The following PHACTR3 variants were observed in gnomAD, a reference collection of about 807,000 sequenced individuals.
The protein encoded by PHACTR3 is phosphatase and actin regulator 3.
In PHACTR3, 16 loss-of-function variants were observed where a neutral mutation model predicts 66.8. The ratio of observed to expected loss-of-function variants is 0.24; its 90% CI spans 0.16 to 0.36. The LOEUF is 0.36. Ranked by LOEUF, PHACTR3 falls within the 10% of genes least tolerant of loss-of-function variation. The pLI, the probability that PHACTR3 is intolerant of heterozygous loss-of-function variation, is 1.00. For missense variants in PHACTR3, 647 were observed against 719.9 expected, an observed-to-expected ratio of 0.90 and a Z score of 1.16; for synonymous variants, 323 against 292.1, an observed-to-expected ratio of 1.11 and a Z score of -1.08.
chr20:59,767,445 C>G (rs749707627), intron 5 of PHACTR3, 50 bp downstream of exon 5: 4 of 1,553,156 alleles, frequency 2.6e-6, no homozygotes, highest in Non-Finnish European at 2.6e-6. Flanking sequence ...CTGCCCCATC[C>G]ATCCATCTAT....
chr20:59,803,874 G>A (rs765422203), intron 7 of PHACTR3, among the ~76,000 whole-genome samples: 6 of 152,196 alleles, frequency 3.9e-5, no homozygotes, highest in East Asian at 1.9e-4. Context: ...GAAAGTAAGC[G>A]TGTTTGGGGG....
chr20:59,713,113 G>A (rs948480537), intron 1 of PHACTR3, among the ~76,000 whole-genome samples: 3 of 152,234 alleles, frequency 2.0e-5, no homozygotes, highest in African/African-American at 7.2e-5. Flanking sequence ...GAATCAGGGT[G>A]GAGGTGGGAA....
intron 1 of PHACTR3, among the ~76,000 whole-genome samples, chr20:59,644,014 A>G (rs1243021797): frequency 6.6e-6 from 1 of 152,184 alleles, no homozygotes; most frequent in Admixed American, 6.5e-5. Flanking sequence ...CAAGGGCAGC[A>G]AGAGACCTGG....
At chr20:59,751,493 C>T (rs778491446) in intron 3 of PHACTR3, among the ~76,000 whole-genome samples, 2 of 152,268 alleles carry the variant, frequency 1.3e-5, no homozygotes, top group African/African-American at 4.8e-5. Context: ...TGTACATACA[C>T]ATTGGACACC....
chr20:59,801,913 G>A (rs550599675), intron 7 of PHACTR3, among the ~76,000 whole-genome samples: 20 of 152,292 alleles, frequency 1.3e-4, no homozygotes, highest in East Asian at 7.7e-4. Flanking sequence ...TTAGCGAGAC[G>A]TGTGGCATCT....
intron 1 of PHACTR3, among the ~76,000 whole-genome samples, chr20:59,717,632 C>T (rs189908804): frequency 1.3e-5 from 2 of 151,818 alleles, no homozygotes; most frequent in Non-Finnish European, 2.9e-5. Flanking sequence ...TGGAAACCCA[C>T]CCCCCAGCCC....
At chr20:59,611,797 C>A (rs2033858420) in intron 1 of PHACTR3, among the ~76,000 whole-genome samples, 1 of 152,228 alleles carries the variant, frequency 6.6e-6, no homozygotes, top group South Asian at 2.1e-4. Flanking sequence ...TCCTAGGGTC[C>A]CCCACCTTCA....
At chr20:59,817,642 G>A (rs4810190) in intron 8 of PHACTR3, among the ~76,000 whole-genome samples, 77,570 of 152,184 alleles carry the variant, frequency 0.51, 24,167 homozygotes, top group Non-Finnish European at 0.69. Context: ...TGGCATCCTG[G>A]GGAGTGTGCA....
intron 5 of PHACTR3, among the ~76,000 whole-genome samples, chr20:59,770,807 G>A (rs868612004): frequency 1.1e-4 from 17 of 152,192 alleles, no homozygotes; most frequent in South Asian, 2.1e-4. Flanking sequence ...CCCTGGAGAT[G>A]CGTTTACCCC....
At chr20:59,831,484 T>A (rs538281171) in intron 8 of PHACTR3, among the ~76,000 whole-genome samples, 25 of 151,234 alleles carry the variant, frequency 1.7e-4, no homozygotes, top group Admixed American at 8.6e-4. Flanking sequence ...GTGGGGAGAG[T>A]CAGAAATAGA....
intron 1 of PHACTR3, among the ~76,000 whole-genome samples, chr20:59,597,837 C>T (rs2033366655): frequency 6.6e-6 from 1 of 152,218 alleles, no homozygotes; most frequent in South Asian, 2.1e-4. Flanking sequence ...ACAGGCACTC[C>T]AGAGCAGGAA....
chr20:59,788,134 C>G (rs540826768), intron 7 of PHACTR3, among the ~76,000 whole-genome samples: 323 of 152,260 alleles, frequency 2.1e-3, no homozygotes, highest in Middle Eastern at 6.8e-3. Flanking sequence ...ACCCCAATGT[C>G]CATTGTATCA....
At chr20:59,578,595 G>T (rs2032781018) in intron 1 of PHACTR3, among the ~76,000 whole-genome samples, 1 of 152,122 alleles carries the variant, frequency 6.6e-6, no homozygotes, top group Non-Finnish European at 1.5e-5. Flanking sequence ...TGTCACACCT[G>T]GGGGAACGCC....
At chr20:59,831,126 C>T (rs139781704) in intron 8 of PHACTR3, among the ~76,000 whole-genome samples, 283 of 152,292 alleles carry the variant, frequency 1.9e-3, no homozygotes, top group Non-Finnish European at 3.5e-3. Context: ...GAGAGGCACT[C>T]GGAACCAGGA....
At chr20:59,661,050 C>G (rs536178115) in intron 1 of PHACTR3, among the ~76,000 whole-genome samples, 2 of 152,280 alleles carry the variant, frequency 1.3e-5, no homozygotes, top group South Asian at 4.2e-4. Flanking sequence ...TTCCTAATGT[C>G]TGTTTCAGAA....
At chr20:59,780,578 C>T (rs1003622897) in intron 7 of PHACTR3, among the ~76,000 whole-genome samples, 1 of 152,098 alleles carries the variant, frequency 6.6e-6, no homozygotes, top group Non-Finnish European at 1.5e-5. Flanking sequence ...CTTCCAAGAC[C>T]CTACCCCCCG....
intron 9 of PHACTR3, among the ~76,000 whole-genome samples, chr20:59,839,140 G>C (rs570260096): frequency 1.6e-4 from 24 of 151,792 alleles, no homozygotes; most frequent in Non-Finnish European, 2.4e-4. Flanking sequence ...AACATTTTAC[G>C]TCACGTAAAT....
intron 7 of PHACTR3, among the ~76,000 whole-genome samples, chr20:59,782,908 C>A (rs2040773575): frequency 1.3e-5 from 2 of 152,212 alleles, no homozygotes; most frequent in Non-Finnish European, 2.9e-5. Context: ...CGGAGAGAGG[C>A]AACACTCAGG....
intron 1 of PHACTR3, among the ~76,000 whole-genome samples, chr20:59,589,264 C>T (rs938798096): frequency 2.0e-5 from 3 of 152,212 alleles, no homozygotes; most frequent in East Asian, 3.9e-4. Flanking sequence ...CCGGTGAGGG[C>T]GCCAGAATTT....
Sources: allele counts gnomAD v4.1 joint callset (sites outside exome capture counted in the v4.1 genomes callset), GRCh38; gene constraint gnomAD v4.1.1; transcripts MANE v1.5; gene names NCBI Gene and HGNC (gene_info 2026-07-23, HGNC 2026-07-21).